Variants in ZNF616 observed in about 807,000 individuals in gnomAD.
ZNF616 encodes zinc finger protein 616.
ZNF616 carries 5 observed loss-of-function variants against 7.6 expected under a neutral mutation model. That is an observed-to-expected ratio of 0.66 (90% CI 0.34 to 1.38). ZNF616 has a LOEUF of 1.38. Ranked by LOEUF, ZNF616 falls within the 40% of genes most tolerant of loss-of-function variation. ZNF616 has a pLI of 0.04. For missense variants in ZNF616, 913 were observed against 948.3 expected, an observed-to-expected ratio of 0.96 and a Z score of 0.49; for synonymous variants, 319 against 317.2, an observed-to-expected ratio of 1.01 and a Z score of -0.06.
At chr19:52,129,505 ATTATAACCTT>A (rs2088939199) in intron 2 of ZNF616, among the ~76,000 whole-genome samples, 1 of 152,268 alleles carries the variant, frequency 6.6e-6, no homozygotes, top group South Asian at 2.1e-4. Flanking sequence ...TCTGAGCAAA[ATTATAACCTT>A]AAAACTTAAA....
At chr19:52,137,734 A>G (rs528606479) in intron 1 of ZNF616, among the ~76,000 whole-genome samples, 1 of 152,338 alleles carries the variant, frequency 6.6e-6, no homozygotes, top group East Asian at 1.9e-4. Flanking sequence ...ACGCTTTAAC[A>G]GTTTGGAAAG....
At position 52,123,843 on chromosome 19, in the gene ZNF616, G is replaced by C; in HGVS notation, c.139+80C>G. ...AAGGCTTCAGTCTCAAATAACGGAGGGGTTCCCAAGAAAGACAACAGAGGA... is the reference window on the plus strand; with the variant it reads ...AAGGCTTCAGTCTCAAATAACGGAGCGGTTCCCAAGAAAGACAACAGAGGA... On this transcript the variant is annotated intron_variant, in intron 3 of 3. Coordinates refer to ENST00000600228, the MANE Select transcript of ZNF616 (RefSeq NM_178523.5). 1.9e-6 allele frequency: 3 copies of C among 1,566,712 alleles called. No homozygotes were observed. The South Asian group carries it at 3.4e-5, about 18-fold the overall frequency.
In ZNF616 at chr19:52,116,134, G is replaced by T. The variant is rs142814782; in HGVS notation, c.1030C>A (p.Gln344Lys). 38 of 1,613,640 alleles carry T rather than the reference G, an allele frequency of 2.4e-5. No homozygotes were observed. In the African/African-American group the frequency reaches 4.7e-4, roughly 20 times the overall value. The change falls in exon 4 of 4, where the codon CAG (glutamine) becomes AAG (lysine). Residue 344 changes from glutamine to lysine, a missense_variant. Gln to Lys is a moderately conservative substitution (Grantham distance 53). Transcript: ENST00000600228. ...FKRSSNLTVH[Q>K]VIHAGKKPYK... ...GGTTTCTTTCCTGCATGGATTACCT[G>T]ATGTACAGTGAGGTTTGAGCTCCGT...
intron 2 of ZNF616, among the ~76,000 whole-genome samples, chr19:52,125,431 T>C (rs2088897573): frequency 6.6e-6 from 1 of 152,210 alleles, no homozygotes; most frequent in Non-Finnish European, 1.5e-5. Flanking sequence ...GCCACTCCCA[T>C]GTTAAGTCTG....
chr19:52,126,508 C>CT (rs1482605621), intron 2 of ZNF616, among the ~76,000 whole-genome samples: 1 of 151,980 alleles, frequency 6.6e-6, no homozygotes, highest in African/African-American at 2.4e-5. Context: ...GAGTGTGACT[C>CT]TGTCTCCAAA....
intron 3 of ZNF616, 78 bp from the exon 4 acceptor site, chr19:52,117,102 C>T: frequency 1.6e-6 from 2 of 1,238,264 alleles, no homozygotes; most frequent in Non-Finnish European, 1.1e-6. Flanking sequence ...GGAAACATAC[C>T]TACACTAAAC....
At chr19:52,117,854 A>T (rs1227898331) in intron 3 of ZNF616, among the ~76,000 whole-genome samples, 1 of 152,212 alleles carries the variant, frequency 6.6e-6, no homozygotes, top group Non-Finnish European at 1.5e-5. Flanking sequence ...AATACACAAC[A>T]TAATACAGAA....
chr19:52,133,388 T>C (rs1341112297), intron 1 of ZNF616, among the ~76,000 whole-genome samples: 2 of 152,184 alleles, frequency 1.3e-5, no homozygotes, highest in African/African-American at 4.8e-5. Context: ...TGTTACACTT[T>C]ATAATAGGCC....
chr19:52,123,833 A>G (rs1156757391), intron 3 of ZNF616, 90 bp downstream of exon 3: 2 of 1,543,738 alleles, frequency 1.3e-6, no homozygotes, highest in Non-Finnish European at 1.8e-6. Flanking sequence ...TTCAGTCTCA[A>G]ATAACGGAGG....
At chr19:52,131,430 G>A (rs999560374) in intron 1 of ZNF616, among the ~76,000 whole-genome samples, 17 of 152,164 alleles carry the variant, frequency 1.1e-4, no homozygotes, top group Non-Finnish European at 2.2e-4. Flanking sequence ...TAGTCTCAAA[G>A]GGGGCAAGAC....
intron 2 of ZNF616, among the ~76,000 whole-genome samples, chr19:52,126,044 A>C (rs942344916): frequency 3.9e-5 from 6 of 152,150 alleles, no homozygotes; most frequent in African/African-American, 1.2e-4. Flanking sequence ...GTTGATTGGA[A>C]TGTCCTCCCT....
At chr19:52,134,337 G>T (rs1296962024) in intron 1 of ZNF616, among the ~76,000 whole-genome samples, 2 of 152,150 alleles carry the variant, frequency 1.3e-5, no homozygotes, top group Non-Finnish European at 2.9e-5. Context: ...AACTACAAAA[G>T]GATCGAATTT....
chr19:52,131,087 G>A (rs1216732779), intron 1 of ZNF616, among the ~76,000 whole-genome samples: 1 of 152,004 alleles, frequency 6.6e-6, no homozygotes, highest in East Asian at 1.9e-4. Context: ...GGCCAACATG[G>A]TGAAACACCC....
In ZNF616 at chr19:52,115,949, T is replaced by C. The variant is rs138211837; in HGVS notation, c.1215A>G (p.Val405=). The change falls in exon 4 of 4, where the codon GTA becomes GTG. Residue 405 remains valine (V), a synonymous_variant. Coordinates refer to ENST00000600228, the MANE Select transcript of ZNF616 (RefSeq NM_178523.5). ...ATTCATTGCATTTGCAAGGTTTCTC[T>C]ACAGTGTGAATTCGTCGATGCACTG... ...SLAVHRRIHT[V]EKPCKCNECG... 1.8e-4 allele frequency: 297 copies of C among 1,614,088 alleles called. No homozygotes were observed. Among genetic ancestry groups the C allele is most frequent in the Non-Finnish European group, 2.4e-4 (286 of 1,180,050 alleles).
intron 1 of ZNF616, among the ~76,000 whole-genome samples, chr19:52,135,574 G>C (rs1441355962): frequency 1.3e-5 from 2 of 152,070 alleles, no homozygotes; most frequent in Admixed American, 1.3e-4. Context: ...TGCAGCTCTG[G>C]GTTCCATGCC....
chr19:52,128,437 A>G (rs2088928462), intron 2 of ZNF616, among the ~76,000 whole-genome samples: 1 of 152,110 alleles, frequency 6.6e-6, no homozygotes, highest in Non-Finnish European at 1.5e-5. Context: ...CTTAGGTTAT[A>G]AATTTCTTTC....
intron 3 of ZNF616, among the ~76,000 whole-genome samples, chr19:52,122,870 G>A (rs1191831168): frequency 2.6e-5 from 4 of 151,948 alleles, no homozygotes; most frequent in South Asian, 4.2e-4. Context: ...TCCTGACCTC[G>A]TGATCCACCC....
Position 52,116,032 on chromosome 19 carries a change from C to T in ZNF616, c.1132G>A (p.Glu378Lys). 1.2e-6 allele frequency: 2 copies of T among 1,614,064 alleles called. No individual in the cohort carries two copies. Among genetic ancestry groups the T allele is most frequent in the East Asian group, 4.5e-5 (2 of 44,856 alleles). ...CATTCATTGCATTTGTATTGTTTCT[C>T]TCCACTGTGGATTCTCCGGTGACAT... The part of the protein sequence containing the change: ...LVCHRRIHSG[E>K]KQYKCNECGK... The change falls in exon 4 of 4, where the codon GAG becomes AAG. Residue 378 changes from glutamate (E) to lysine (K), a missense_variant. Coordinates refer to ENST00000600228, the MANE Select transcript of ZNF616 (RefSeq NM_178523.5).
At chr19:52,131,503 G>T (rs546640820) in intron 1 of ZNF616, among the ~76,000 whole-genome samples, 1 of 152,278 alleles carries the variant, frequency 6.6e-6, no homozygotes, top group Non-Finnish European at 1.5e-5. Context: ...CCAGTCTGTA[G>T]AAAGTGGAAG....
Sources: gnomAD v4.1 joint callset for allele counts (sites outside exome capture counted in the v4.1 genomes callset) on GRCh38, gnomAD v4.1.1 for gene constraint, MANE v1.5 for transcripts, NCBI Gene and HGNC (gene_info 2026-07-23, HGNC 2026-07-21) for gene names.